Variants in TMEM244 observed in about 807,000 individuals in gnomAD.
TMEM244 encodes putative transmembrane protein 244.
In TMEM244, 13 loss-of-function variants were observed where a neutral mutation model predicts 15.8. That is an observed-to-expected ratio of 0.82 (90% CI 0.53 to 1.30). The LOEUF (loss-of-function observed/expected upper bound fraction) is 1.30. TMEM244 is among the 50% of genes most tolerant of loss of function. TMEM244 has a pLI of 0.00. For synonymous variants in TMEM244, 45 were observed against 48.7 expected (o/e 0.92, Z 0.32); for missense variants, 161 against 144.9 (o/e 1.11, Z -0.57).
At chr6:129,836,089 G>A (rs1178109747) in intron 3 of TMEM244, among the ~76,000 whole-genome samples, 3 of 152,152 alleles carry the variant, frequency 2.0e-5, no homozygotes, top group Non-Finnish European at 4.4e-5. Flanking sequence ...CGAGCTCCGA[G>A]AACAGACAGA....
chr6:129,855,238 T>C (rs768866109), intron 1 of TMEM244, among the ~76,000 whole-genome samples: 7 of 152,196 alleles, frequency 4.6e-5, no homozygotes, highest in Non-Finnish European at 1.0e-4. Flanking sequence ...CCAAACTTCA[T>C]AGACACTATT....
At chr6:129,843,919 C>T (rs189121779) in intron 2 of TMEM244, among the ~76,000 whole-genome samples, 109 of 152,230 alleles carry the variant, frequency 7.2e-4, no homozygotes, top group Admixed American at 2.0e-3. Flanking sequence ...CGTCTAGTTA[C>T]GAAATGTAAA....
At chr6:129,835,845 T>C (rs1185935073) in intron 3 of TMEM244, among the ~76,000 whole-genome samples, 1 of 140,834 alleles carries the variant, frequency 7.1e-6, no homozygotes, top group Admixed American at 6.9e-5. Flanking sequence ...TGCATCTTGA[T>C]GTGGAGATGG....
At chr6:129,857,751 A>G (rs1776735331) in intron 1 of TMEM244, among the ~76,000 whole-genome samples, 1 of 151,744 alleles carries the variant, frequency 6.6e-6, no homozygotes, top group Non-Finnish European at 1.5e-5. Context: ...TCCATTAAGT[A>G]ATACACCAGC....
At chr6:129,856,899 C>T (rs1014768534) in intron 1 of TMEM244, among the ~76,000 whole-genome samples, 15 of 151,880 alleles carry the variant, frequency 9.9e-5, no homozygotes, top group African/African-American at 3.6e-4. Context: ...TTATTCAAGT[C>T]CACTTTTGTA....
chr6:129,850,675 A>T (rs960441946), intron 1 of TMEM244, among the ~76,000 whole-genome samples: 2 of 152,246 alleles, frequency 1.3e-5, no homozygotes, highest in African/African-American at 2.4e-5. Flanking sequence ...ATTTTGAAAG[A>T]GTAAAATTAA....
chr6:129,843,022 C>A (rs1271253139), intron 3 of TMEM244, among the ~76,000 whole-genome samples: 5 of 151,854 alleles, frequency 3.3e-5, no homozygotes, highest in African/African-American at 1.2e-4. Flanking sequence ...TAAAACCAAG[C>A]AGAAATGTAC....
intron 1 of TMEM244, among the ~76,000 whole-genome samples, chr6:129,860,104 C>CGTGTGTGTGTGTGTGTGTGTGT: frequency 7.1e-6 from 1 of 140,610 alleles, no homozygotes; most frequent in Non-Finnish European, 1.5e-5. Flanking sequence ...CTCTGCAATG[C>CGTGTGTGTGTGTGTGTGTGTGT]GTGTGTGTGT....
intron 2 of TMEM244, among the ~76,000 whole-genome samples, 158 bp downstream of exon 2, chr6:129,845,609 T>C (rs976813749): frequency 1.5e-4 from 23 of 152,240 alleles, no homozygotes; most frequent in African/African-American, 5.3e-4. Flanking sequence ...CAAGACCTTG[T>C]CTCTACCAAA....
chr6:129,857,852 G>GTATA (rs202092004), intron 1 of TMEM244, among the ~76,000 whole-genome samples: 10,451 of 148,872 alleles, frequency 0.07, 417 homozygotes, highest in Non-Finnish European at 0.09. Flanking sequence ...ACATATATAT[G>GTATA]TATATATATA....
intron 1 of TMEM244, among the ~76,000 whole-genome samples, chr6:129,849,255 G>A (rs773170999): frequency 9.9e-5 from 15 of 151,852 alleles, no homozygotes; most frequent in Non-Finnish European, 1.8e-4. Context: ...GAAAAGCAAG[G>A]CATAATTTTT....
intron 1 of TMEM244, among the ~76,000 whole-genome samples, chr6:129,857,663 AC>A (rs1776732974): frequency 6.6e-6 from 1 of 152,054 alleles, no homozygotes; most frequent in Admixed American, 6.6e-5. Context: ...CCCAACCCTA[AC>A]ATATGTTTAG....
At chr6:129,861,030 G>T in intron 1 of TMEM244, 126 bp downstream of exon 1, 1 of 997,172 alleles carries the variant, frequency 1.0e-6, no homozygotes, top group Non-Finnish European at 1.5e-6. Context: ...AATGTTTTCT[G>T]TATGGTACCC....
intron 1 of TMEM244, among the ~76,000 whole-genome samples, chr6:129,849,798 G>T (rs940371139): frequency 1.3e-5 from 2 of 152,100 alleles, no homozygotes; most frequent in African/African-American, 4.8e-5. Context: ...GCAAGGAGAA[G>T]AGGTATTATT....
At chr6:129,840,053 T>C (rs1776466466) in intron 3 of TMEM244, among the ~76,000 whole-genome samples, 1 of 152,162 alleles carries the variant, frequency 6.6e-6, no homozygotes, top group Non-Finnish European at 1.5e-5. Flanking sequence ...TACCAATGAC[T>C]TTCTTCACAG....
chr6:129,846,837 T>C (rs1400188767), intron 1 of TMEM244, among the ~76,000 whole-genome samples: 5 of 152,134 alleles, frequency 3.3e-5, no homozygotes, highest in African/African-American at 1.2e-4. Flanking sequence ...TAGATGGCCC[T>C]GAAATGTACT....
chr6:129,850,059 G>A (rs1776615504), intron 1 of TMEM244, among the ~76,000 whole-genome samples: 1 of 152,180 alleles, frequency 6.6e-6, no homozygotes, highest in South Asian at 2.1e-4. Flanking sequence ...GAGGCTCAGA[G>A]AGGTCTTGTA....
intron 2 of TMEM244, among the ~76,000 whole-genome samples, chr6:129,844,863 A>G (rs1776541421): frequency 6.6e-6 from 1 of 152,208 alleles, no homozygotes; most frequent in Admixed American, 6.5e-5. Context: ...ATAGTTGCAT[A>G]TTGGTATTAA....
At chr6:129,849,683 G>C (rs1222439163) in intron 1 of TMEM244, among the ~76,000 whole-genome samples, 1 of 152,134 alleles carries the variant, frequency 6.6e-6, no homozygotes, top group African/African-American at 2.4e-5. Context: ...CCAGGAATTT[G>C]TGTTCATAAC....
Sources: gnomAD v4.1 joint callset for allele counts (sites outside exome capture counted in the v4.1 genomes callset) on GRCh38, gnomAD v4.1.1 for gene constraint, MANE v1.5 for transcripts, NCBI Gene and HGNC (gene_info 2026-07-23, HGNC 2026-07-21) for gene names.